RASGEF1A: variants seen among roughly 807,000 people sequenced by gnomAD.
The protein encoded by RASGEF1A is ras-GEF domain-containing family member 1A.
RASGEF1A carries 18 observed loss-of-function variants against 56.4 expected under a neutral mutation model. The observed-to-expected ratio is 0.32, with a 90% CI of 0.22 to 0.47. The LOEUF (loss-of-function observed/expected upper bound fraction) is 0.47, where lower values mean the gene tolerates loss of function less well. Among genes scored for constraint, RASGEF1A ranks in the 20% least tolerant of loss-of-function variants. RASGEF1A has a pLI of 1.00. For missense variants in RASGEF1A, 422 were observed against 627.1 expected, an observed-to-expected ratio of 0.67 and a Z score of 3.49; for synonymous variants, 245 against 242.6, an observed-to-expected ratio of 1.01 and a Z score of -0.09.
At chr10:43,247,778 TG>T (rs1316241530) in intron 1 of RASGEF1A, among the ~76,000 whole-genome samples, 1 of 152,186 alleles carries the variant, frequency 6.6e-6, no homozygotes, top group African/African-American at 2.4e-5. Flanking sequence ...TAAGAAGTTC[TG>T]GGCTGGGCGT....
At chr10:43,236,123 C>T (rs1345340089) in intron 1 of RASGEF1A, among the ~76,000 whole-genome samples, 1 of 152,172 alleles carries the variant, frequency 6.6e-6, no homozygotes, top group Non-Finnish European at 1.5e-5. Flanking sequence ...AGCCTTGAGT[C>T]ATCACTTGGC....
intron 1 of RASGEF1A, among the ~76,000 whole-genome samples, chr10:43,249,604 C>T (rs1840604594): frequency 6.6e-6 from 1 of 152,240 alleles, no homozygotes; most frequent in Non-Finnish European, 1.5e-5. Context: ...GACATCACTG[C>T]CAAGATGGGA....
intron 1 of RASGEF1A, 44 bp downstream of exon 1, chr10:43,266,801 G>C (rs1405123438): frequency 6.9e-6 from 1 of 145,904 alleles, no homozygotes; most frequent in Non-Finnish European, 1.5e-5. Flanking sequence ...CCCCAGGCGC[G>C]GGCGGGGGCC....
At chr10:43,259,673 AG>A (rs1388565244) in intron 1 of RASGEF1A, among the ~76,000 whole-genome samples, 16 of 152,326 alleles carry the variant, frequency 1.1e-4, no homozygotes, top group African/African-American at 3.8e-4. Context: ...CCTCACAGGC[AG>A]GAACGAGATG....
At position 43,220,239 on chromosome 10, in the gene RASGEF1A, C is replaced by A. The variant is rs145279248; in HGVS notation, c.-6-14117G>T. On this transcript the variant is annotated intron_variant, in intron 1 of 12. Transcript: ENST00000395810. ...AAACGGCCAGGCACAATGGCTCACA[C>A]CTGTAATCCTGGCACTTTAGGAAGC... 2.1e-3 allele frequency among the ~76,000 whole-genome samples: 320 copies of A among 152,334 alleles called. 1 individual carries two copies. The highest frequency in any genetic ancestry group is 7.5e-3 in the African/African-American group (311 of 41,566).
At chr10:43,233,584 C>A (rs1052242122) in intron 1 of RASGEF1A, among the ~76,000 whole-genome samples, 1 of 152,196 alleles carries the variant, frequency 6.6e-6, no homozygotes, top group Admixed American at 6.5e-5. Context: ...ACCCTGCACA[C>A]CCAGCAGCAA....
intron 1 of RASGEF1A, among the ~76,000 whole-genome samples, chr10:43,244,313 CCTT>C (rs1359968727): frequency 1.4e-5 from 2 of 143,760 alleles, no homozygotes; most frequent in African/African-American, 5.0e-5. Context: ...TATCTGCTGA[CCTT>C]CTCTCCACTA....
chr10:43,194,708 T>C lies in RASGEF1A; in HGVS notation c.*1536A>G, dbSNP rs1839771224. 6.6e-6 allele frequency: 1 copy of C among 152,338 alleles called. No homozygotes were observed. Among genetic ancestry groups the C allele is most frequent in the Admixed American group, 6.5e-5 (1 of 15,284 alleles). 9.4% of individuals were successfully genotyped at this position (152,338 alleles called of 1,614,324 possible). A position where few individuals can be genotyped will look rare whatever the true frequency, so the allele number is the denominator to read the frequency against. On this transcript the variant is annotated 3_prime_UTR_variant, in exon 13 of 13. Transcript: ENST00000395810. ...GCAGACAGACACTGTTTCAAGTAGG[T>C]ACTAGAACTGATCACCCGTGAAGTG...
chr10:43,248,980 C>T (rs945848327), intron 1 of RASGEF1A, among the ~76,000 whole-genome samples: 32 of 152,128 alleles, frequency 2.1e-4, no homozygotes, highest in Admixed American at 2.0e-3. Flanking sequence ...TGGATGGGGG[C>T]TCTGTTGGTG....
At chr10:43,202,648 G>GCCCCCCCCCCCCCCCC in intron 3 of RASGEF1A, 4 of 459,814 alleles carry the variant, frequency 8.7e-6, no homozygotes, top group South Asian at 1.6e-5. Context: ...CCCGCCCCCG[G>GCCCCCCCCCCCCCCCC]CCCCCGCACC....
At chr10:43,206,216 T>TGCAGGGGTGCGTGGCAGGGGC in intron 1 of RASGEF1A, 94 bp from the exon 2 acceptor site, 1 of 1,065,706 alleles carries the variant, frequency 9.4e-7, no homozygotes, top group Admixed American at 2.3e-5. Flanking sequence ...CATGCATGTG[T>TGCAGGGGTGCGTGGCAGGGGC]GCAGGGGTGC....
intron 1 of RASGEF1A, among the ~76,000 whole-genome samples, chr10:43,228,053 C>T (rs77225078): frequency 0.011 from 1,732 of 152,204 alleles, 31 homozygotes; most frequent in African/African-American, 0.039. Flanking sequence ...ACGGGGAGCA[C>T]ATCCTGCTCC....
At chr10:43,256,255 G>C (rs1840688821) in intron 1 of RASGEF1A, among the ~76,000 whole-genome samples, 1 of 152,212 alleles carries the variant, frequency 6.6e-6, no homozygotes, top group African/African-American at 2.4e-5. Flanking sequence ...GGCAGGTGCT[G>C]CTGGAGTCCC....
rs1839776098 is a variant in RASGEF1A, at chr10:43,195,041, G to A, written c.*1203C>T. 1 of 151,754 alleles carries A rather than the reference G, an allele frequency of 6.6e-6. No individual in the cohort carries two copies. Among genetic ancestry groups the A allele is most frequent in the Admixed American group, 6.6e-5 (1 of 15,208 alleles). 9.4% of individuals were successfully genotyped at this position (151,754 alleles called of 1,614,324 possible). A position where few individuals can be genotyped will look rare whatever the true frequency, so the allele number is the denominator to read the frequency against. ...TGGGACCTGGCCCATCCTCACCCAGGCTTCCCCATTGATCAAGGCTCCTGC... is the reference window on the plus strand; with the variant it reads ...TGGGACCTGGCCCATCCTCACCCAGACTTCCCCATTGATCAAGGCTCCTGC... On this transcript the variant is annotated 3_prime_UTR_variant, in exon 13 of 13. Transcript: ENST00000395810. This position sits in a 1 kb window ranked among gnomAD's most constrained non-coding sequence, Gnocchi z 4.2.
chr10:43,204,670 G>A (rs1399480349), intron 2 of RASGEF1A, among the ~76,000 whole-genome samples: 1 of 152,214 alleles, frequency 6.6e-6, no homozygotes, highest in East Asian at 1.9e-4. Flanking sequence ...GGAAGGGTGG[G>A]GTGGCGGGGG....
Position 43,197,335 on chromosome 10 carries a change from C to T in RASGEF1A, c.1225-236G>A, listed in dbSNP as rs116575729. Among the ~76,000 whole-genome samples, 799 of 152,322 alleles carry T rather than the reference C, an allele frequency of 5.2e-3. 6 individuals carry two copies. The highest frequency in any genetic ancestry group is 0.017 in the African/African-American group (719 of 41,576). ...TGGCCCTCCACCTGGGCCATCAGGC[C>T]GGCAGCAGGGTCTCTGCCTGTCTGT... is the stretch of plus-strand genomic sequence containing the variant. On this transcript the variant is annotated intron_variant, in intron 10 of 12. Transcript: ENST00000395810.
intron 1 of RASGEF1A, among the ~76,000 whole-genome samples, chr10:43,254,643 G>A (rs2059892384): frequency 2.0e-5 from 3 of 152,270 alleles, no homozygotes; most frequent in African/African-American, 7.2e-5. Context: ...CTGGGTGGGG[G>A]CTAGGTGGGG....
chr10:43,219,929 C>G (rs896773238), intron 1 of RASGEF1A, among the ~76,000 whole-genome samples: 1 of 152,230 alleles, frequency 6.6e-6, no homozygotes, highest in African/African-American at 2.4e-5. Context: ...GCAGGGAGCT[C>G]TCTCTGGGCC....
chr10:43,232,996 G>A (rs546926157), intron 1 of RASGEF1A, among the ~76,000 whole-genome samples: 68 of 152,184 alleles, frequency 4.5e-4, no homozygotes, highest in Admixed American at 1.4e-3. Flanking sequence ...GCTCAGCCTC[G>A]ACAGGCCCTG....
Sources: gnomAD v4.1 joint callset for allele counts (sites outside exome capture counted in the v4.1 genomes callset) on GRCh38, gnomAD v4.1.1 for gene constraint, Gnocchi (gnomAD v3.1) non-coding constraint, MANE v1.5 for transcripts, NCBI Gene and HGNC (gene_info 2026-07-23, HGNC 2026-07-21) for gene names.